Variants in COL5A1 observed in about 807,000 individuals in gnomAD.
The protein encoded by COL5A1 is collagen type V alpha 1 chain.
Under a neutral mutation model 263.7 loss-of-function variants are expected in COL5A1, and 16 were observed. The observed-to-expected ratio is 0.06, with a 90% CI of 0.04 to 0.09. The LOEUF is 0.09. COL5A1 is among the 10% of genes least tolerant of loss of function. The pLI, the probability that COL5A1 is intolerant of heterozygous loss-of-function variation, is 1.00. For synonymous variants in COL5A1, 1,012 were observed against 1,004.5 expected, an observed-to-expected ratio of 1.01 and a Z score of -0.14; for missense variants, 2,036 against 2,540.5, an observed-to-expected ratio of 0.80 and a Z score of 4.27.
chr9:134,815,658 G>A (rs1432169508), intron 51 of COL5A1, 29 bp downstream of exon 51: 1 of 1,610,914 alleles, frequency 6.2e-7, no homozygotes, highest in Admixed American at 1.7e-5. Flanking sequence ...AAAGCCACCG[G>A]ATCCCCCACA....
chr9:134,737,577 T>C (rs1480691810), intron 9 of COL5A1, among the ~76,000 whole-genome samples: 1 of 152,222 alleles, frequency 6.6e-6, no homozygotes, highest in Admixed American at 6.5e-5. Context: ...GAAGTCGTCA[T>C]GGAACACGGA....
chr9:134,767,125 T>A, intron 23 of COL5A1, 72 bp downstream of exon 23: 2 of 1,557,298 alleles, frequency 1.3e-6, no homozygotes, highest in Non-Finnish European at 1.8e-6. Flanking sequence ...TCCGGAGCCC[T>A]GGGAGGAAGC....
intron 21 of COL5A1, 51 bp from the exon 22 acceptor site, chr9:134,766,403 T>G: frequency 8.8e-6 from 14 of 1,583,840 alleles, no homozygotes; most frequent in Non-Finnish European, 1.1e-5. Context: ...TTGAGCACTG[T>G]GAGTTCTTTC....
At chr9:134,823,503 G>A (rs547757212) in intron 61 of COL5A1, 34 bp downstream of exon 61, 12 of 1,610,682 alleles carry the variant, frequency 7.5e-6, no homozygotes, top group African/African-American at 1.3e-5. Context: ...AAGCGGGACG[G>A]GGGCTCTGGC....
intron 1 of COL5A1, among the ~76,000 whole-genome samples, chr9:134,688,615 G>A (rs925652097): frequency 3.0e-4 from 45 of 152,326 alleles, no homozygotes; most frequent in South Asian, 4.1e-4. Context: ...CTTGGCAGCC[G>A]AAAGCCACCC....
chr9:134,751,381 C>A (rs1333965029), intron 13 of COL5A1, among the ~76,000 whole-genome samples: 2 of 152,230 alleles, frequency 1.3e-5, no homozygotes, highest in African/African-American at 2.4e-5. Flanking sequence ...CCGTTGGTGA[C>A]CTTTGCCTCT....
At chr9:134,822,599 G>A (rs556184927) in intron 59 of COL5A1, among the ~76,000 whole-genome samples, 2 of 152,256 alleles carry the variant, frequency 1.3e-5, no homozygotes, top group South Asian at 4.1e-4. Context: ...CTGGGCTGCA[G>A]GTACACATGG....
At chr9:134,747,740 CAA>C (rs1418127706) in intron 11 of COL5A1, among the ~76,000 whole-genome samples, 6 of 146,100 alleles carry the variant, frequency 4.1e-5, no homozygotes, top group African/African-American at 1.4e-4. Context: ...TGCACACATG[CAA>C]ACACATGCAC....
At position 134,765,632 on chromosome 9, in the gene COL5A1, C is replaced by G. The variant is rs764539580; in HGVS notation, c.2035-49C>G. On this transcript the variant is annotated intron_variant, in intron 20 of 65. Transcript: ENST00000371817. This position sits in a 1 kb window ranked among gnomAD's most constrained non-coding sequence, Gnocchi z 5.1. The stretch of plus-strand genomic sequence containing the variant: ...TGGGCATAGGGGACAGAGAGGAGGG[C>G]TGGGATTTCTGCCCGAGTTTAAATC... The G allele has an allele frequency of 6.5e-7, 1 of 1,547,674 alleles. No homozygotes were observed. Among genetic ancestry groups the G allele is most frequent in the Non-Finnish European group, 8.9e-7 (1 of 1,119,492 alleles).
At chr9:134,819,098 C>T in intron 57 of COL5A1, 45 bp downstream of exon 57, 1 of 1,592,294 alleles carries the variant, frequency 6.3e-7, no homozygotes, top group Non-Finnish European at 8.6e-7. Flanking sequence ...TCGGGGCCTT[C>T]AAATTTGTGG....
chr9:134,760,315 C>G (rs1477453226), intron 18 of COL5A1, among the ~76,000 whole-genome samples: 5 of 91,842 alleles, frequency 5.4e-5, no homozygotes, highest in Non-Finnish European at 1.0e-4. Context: ...CACATACACA[C>G]ATGCACACAC....
intron 11 of COL5A1, among the ~76,000 whole-genome samples, chr9:134,739,927 C>T (rs1299041340): frequency 2.0e-5 from 3 of 152,152 alleles, no homozygotes; most frequent in Non-Finnish European, 2.9e-5. Flanking sequence ...GGATTCAGGT[C>T]AGCTATGCGG....
In COL5A1 at chr9:134,821,219, C is replaced by T. The variant is rs776200017; in HGVS notation, c.4555-878C>T. Among the ~76,000 whole-genome samples, 16 of 151,616 alleles carry T rather than the reference C, an allele frequency of 1.1e-4. No homozygotes were observed. The highest frequency in any genetic ancestry group is 2.2e-4 in the African/African-American group (9 of 41,372). On this transcript the variant is annotated intron_variant, in intron 58 of 65. Transcript: ENST00000371817. This position sits in a 1 kb window ranked among gnomAD's most constrained non-coding sequence, Gnocchi z 4.2. ...AGGCATCCAGGGTCCCCACGGCCAG[C>T]GGGGAAAGCACCCCTGTGTCCACCC...
At chr9:134,746,226 G>A (rs964036688) in intron 11 of COL5A1, among the ~76,000 whole-genome samples, 13 of 152,178 alleles carry the variant, frequency 8.5e-5, no homozygotes, top group Non-Finnish European at 1.6e-4. Context: ...GGCCTGCCCA[G>A]GGTCGGGCCT....
chr9:134,795,248 T>C lies in COL5A1; in HGVS notation c.2746-14T>C. On this transcript the variant is annotated splice_polypyrimidine_tract_variant and intron_variant, in intron 33 of 65. Transcript: ENST00000371817. The stretch of plus-strand genomic sequence containing the variant: ...GGGACTTGAGCTGACCTTCCTTCTC[T>C]CCCATCTGTCCAGGGTCCGAGGGGT... The C allele has an allele frequency of 6.2e-7, 1 of 1,613,746 alleles. No individual in the cohort carries two copies.
In COL5A1 at chr9:134,824,839, C is replaced by T. The variant is rs1219139450; in HGVS notation, c.4938C>T (p.His1646=). 1.2e-6 allele frequency: 2 copies of T among 1,612,832 alleles called. No individual in the cohort carries two copies. Among genetic ancestry groups the T allele is most frequent in the Non-Finnish European group, 1.7e-6 (2 of 1,179,780 alleles). ...CCTGCAAGGACCTGCAGCTCTGCCACCCCGACTTCCCAGATGGTGAGGGCC... is the reference window on the plus strand; with the variant it reads ...CCTGCAAGGACCTGCAGCTCTGCCATCCCGACTTCCCAGATGGTGAGGGCC... ...ARTCKDLQLC[H]PDFPDGEYWV... The change falls in exon 62 of 66, where the codon CAC becomes CAT. Residue 1646 remains histidine (H), a synonymous_variant. Coordinates refer to ENST00000371817, the MANE Select transcript of COL5A1 (RefSeq NM_000093.5).
chr9:134,658,015 A>G (rs1054650810), intron 1 of COL5A1, among the ~76,000 whole-genome samples: 1 of 151,922 alleles, frequency 6.6e-6, no homozygotes, highest in Non-Finnish European at 1.5e-5. Flanking sequence ...GCTGCTGGCT[A>G]TGGCGGACTG....
At chr9:134,831,009 C>G (rs1839595631) in intron 64 of COL5A1, among the ~76,000 whole-genome samples, 1 of 152,208 alleles carries the variant, frequency 6.6e-6, no homozygotes, top group South Asian at 2.1e-4. Flanking sequence ...CCCAGATTCT[C>G]CTTTCCCTCC....
intron 1 of COL5A1, among the ~76,000 whole-genome samples, chr9:134,654,648 T>C (rs1588406817): frequency 9.6e-6 from 1 of 104,352 alleles, no homozygotes; most frequent in Non-Finnish European, 1.9e-5. Context: ...GCTGGAGGTG[T>C]GTAGGGCTGG....
Sources: allele counts gnomAD v4.1 joint callset (sites outside exome capture counted in the v4.1 genomes callset), GRCh38; gene constraint gnomAD v4.1.1; non-coding constraint Gnocchi (gnomAD v3.1); transcripts MANE v1.5; gene names NCBI Gene and HGNC (gene_info 2026-07-23, HGNC 2026-07-21).